SATB2: variants seen among roughly 807,000 people sequenced by gnomAD.
The protein encoded by SATB2 is DNA-binding protein SATB2.
In SATB2, 1 loss-of-function variant was observed where a neutral mutation model predicts 73.4. The observed-to-expected ratio is 0.01, with a 90% CI of 0.00 to 0.06. The LOEUF (loss-of-function observed/expected upper bound fraction) is 0.06. Ranked by LOEUF, SATB2 falls within the 10% of genes least tolerant of loss-of-function variation. The pLI, the probability that SATB2 is intolerant of heterozygous loss-of-function variation, is 1.00. For synonymous variants in SATB2, 397 were observed against 367.0 expected (o/e 1.08, Z -0.93); for missense variants, 459 against 945.8 (o/e 0.49, Z 6.75).
chr2:199,401,690 T>A (rs1298037318), intron 3 of SATB2, among the ~76,000 whole-genome samples: 1 of 151,768 alleles, frequency 6.6e-6, no homozygotes, highest in South Asian at 2.1e-4. Flanking sequence ...GGCAGAAATA[T>A]GGGGGAAAAA....
At chr2:199,277,512 C>A (rs575186155) in intron 10 of SATB2, among the ~76,000 whole-genome samples, 28 of 152,240 alleles carry the variant, frequency 1.8e-4, no homozygotes, top group African/African-American at 6.7e-4. Flanking sequence ...ATCAACTCAT[C>A]CTATTTCTTT....
At chr2:199,442,386 G>A (rs73067563) in intron 2 of SATB2, among the ~76,000 whole-genome samples, 42 of 152,288 alleles carry the variant, frequency 2.8e-4, no homozygotes, top group African/African-American at 9.1e-4. Context: ...GTATCACCAC[G>A]GGCATCGCAT....
At chr2:199,329,515 C>G (rs1688127398) in intron 7 of SATB2, among the ~76,000 whole-genome samples, 1 of 151,716 alleles carries the variant, frequency 6.6e-6, no homozygotes, top group African/African-American at 2.4e-5. Flanking sequence ...CAATAGTTAT[C>G]CTTACATATG....
intron 2 of SATB2, among the ~76,000 whole-genome samples, chr2:199,453,118 T>G (rs773223749): frequency 6.6e-6 from 1 of 152,078 alleles, no homozygotes; most frequent in Admixed American, 6.5e-5. Context: ...CCTAAATAAG[T>G]AGAGTAACAG....
At chr2:199,369,814 T>A (rs555808190) in intron 5 of SATB2, among the ~76,000 whole-genome samples, 1 of 152,210 alleles carries the variant, frequency 6.6e-6, no homozygotes, top group South Asian at 2.1e-4. Context: ...CTTCATAAAC[T>A]CCCATTTAAA....
At chr2:199,375,749 C>A (rs1177592331) in intron 5 of SATB2, among the ~76,000 whole-genome samples, 1 of 152,192 alleles carries the variant, frequency 6.6e-6, no homozygotes, top group Non-Finnish European at 1.5e-5. Context: ...AGCCACCTTT[C>A]TCACCTAAGG....
upstream of SATB2, among the ~76,000 whole-genome samples, chr2:199,462,237 C>A (rs113166689): frequency 2.0e-4 from 30 of 152,368 alleles, no homozygotes; most frequent in African/African-American, 7.2e-4. The surrounding 1 kb of genome is among the most constrained non-coding windows in gnomAD (Gnocchi z 5.9). Context: ...CCTGCCTCTT[C>A]CCCTGGAGCT....
upstream of SATB2, among the ~76,000 whole-genome samples, chr2:199,459,104 C>CA (rs1226150897): frequency 1.3e-5 from 2 of 152,058 alleles, no homozygotes; most frequent in East Asian, 3.9e-4. This position sits in a 1 kb window ranked among gnomAD's most constrained non-coding sequence, Gnocchi z 4.2. Context: ...CCGCCTGGAG[C>CA]CCGTGACGCG....
At chr2:199,445,500 T>C (rs1475812798) in intron 2 of SATB2, among the ~76,000 whole-genome samples, 2 of 152,208 alleles carry the variant, frequency 1.3e-5, no homozygotes, top group Non-Finnish European at 2.9e-5. Context: ...TGTAACAGTG[T>C]TGGCAGACTT....
rs555108372 is a variant in SATB2 at position 199,298,494 on chromosome 2, G to A, written c.1740+10266C>T. Among the ~76,000 whole-genome samples the A allele has an allele frequency of 3.3e-4, 50 of 152,200 alleles. 2 individuals are homozygous for A. The South Asian group carries it at 7.7e-3, about 23-fold the overall frequency. ...AAATAAATTATATTTCCATTTGGAC[G>A]TTTTACATTGTACTGAAATATTTTT... On this transcript the variant is annotated intron_variant, in intron 10 of 10. Transcript: ENST00000417098.
At chr2:199,389,436 T>C (rs1398223740) in intron 3 of SATB2, among the ~76,000 whole-genome samples, 1 of 151,616 alleles carries the variant, frequency 6.6e-6, no homozygotes, top group Non-Finnish European at 1.5e-5. Flanking sequence ...CACAAATTAA[T>C]GAAACCTCAC....
At chr2:199,400,513 A>G (rs180944979) in intron 3 of SATB2, among the ~76,000 whole-genome samples, 1 of 152,332 alleles carries the variant, frequency 6.6e-6, no homozygotes, top group East Asian at 1.9e-4. Context: ...ATTCCTTTAA[A>G]GTAAGATCCC....
intron 6 of SATB2, among the ~76,000 whole-genome samples, chr2:199,366,923 A>ACAC (rs1689303059): frequency 8.8e-6 from 1 of 114,110 alleles, no homozygotes; most frequent in Non-Finnish European, 2.1e-5. Context: ...CACACACACA[A>ACAC]ACACACACAC....
At chr2:199,286,874 G>T (rs186830157) in intron 10 of SATB2, among the ~76,000 whole-genome samples, 1 of 152,208 alleles carries the variant, frequency 6.6e-6, no homozygotes, top group African/African-American at 2.4e-5. Flanking sequence ...CTTGCTTCAT[G>T]GGTATAATTG....
chr2:199,370,362 T>C lies in SATB2; in HGVS notation c.598-1655A>G, dbSNP rs561347389. On this transcript the variant is annotated intron_variant, in intron 5 of 10. Transcript: ENST00000417098. Reference sequence around the variant, plus strand: ...GAGATTTAAAAGTGCCAAACTGAAATGTCATAGTAATAAATTTTTTTAACA... The same window carrying C: ...GAGATTTAAAAGTGCCAAACTGAAACGTCATAGTAATAAATTTTTTTAACA... Among the ~76,000 whole-genome samples the C allele has an allele frequency of 5.9e-5, 9 of 152,098 alleles. No homozygotes were observed. The South Asian group carries it at 1.9e-3, about 32-fold the overall frequency.
chr2:199,348,545 A>G (rs1446147583), intron 7 of SATB2, 156 bp downstream of exon 7: 1 of 700,682 alleles, frequency 1.4e-6, no homozygotes, highest in Admixed American at 2.2e-5. Flanking sequence ...TGCATGGATC[A>G]ATGGTAATAG....
chr2:199,355,964 C>G (rs987090876), intron 6 of SATB2, among the ~76,000 whole-genome samples: 1 of 151,990 alleles, frequency 6.6e-6, no homozygotes, highest in African/African-American at 2.4e-5. Flanking sequence ...ACGCTGTAAA[C>G]CTTAACACAG....
intron 10 of SATB2, among the ~76,000 whole-genome samples, chr2:199,281,846 T>C (rs539065563): frequency 6.6e-6 from 1 of 152,114 alleles, no homozygotes; most frequent in African/African-American, 2.4e-5. Flanking sequence ...GTGCTCAGTA[T>C]CTTTGTTCTG....
rs532825142 is a variant in SATB2, at chr2:199,439,133, A to T, written c.170-5619T>A. On this transcript the variant is annotated intron_variant, in intron 2 of 10. Transcript: ENST00000417098. ...CACCATGCTAGGCATGGAGGGGGAA[A>T]CTAAGAGGGCTCCTGCCCTTCCGTT... Among the ~76,000 whole-genome samples, 4 of 152,388 alleles carry T rather than the reference A, an allele frequency of 2.6e-5. No homozygotes were observed. The South Asian group carries it at 8.3e-4, about 32-fold the overall frequency.
Sources: allele counts gnomAD v4.1 joint callset (sites outside exome capture counted in the v4.1 genomes callset), GRCh38; gene constraint gnomAD v4.1.1; non-coding constraint Gnocchi (gnomAD v3.1); transcripts MANE v1.5; gene names NCBI Gene and HGNC (gene_info 2026-07-23, HGNC 2026-07-21).